Variants in ANAPC10 observed in about 807,000 individuals in gnomAD.
ANAPC10 encodes anaphase-promoting complex subunit 10.
In ANAPC10, 12 loss-of-function variants were observed where a neutral mutation model predicts 22.0. The observed-to-expected ratio is 0.55, with a 90% CI of 0.35 to 0.88. The LOEUF (loss-of-function observed/expected upper bound fraction) is 0.88, where lower values mean the gene tolerates loss of function less well. Ranked by LOEUF, ANAPC10 falls within the 40% of genes least tolerant of loss-of-function variation. The pLI, the probability that ANAPC10 is intolerant of heterozygous loss-of-function variation, is 0.01. For missense variants in ANAPC10, 188 were observed against 220.9 expected, an observed-to-expected ratio of 0.85 and a Z score of 0.94; for synonymous variants, 65 against 69.5, an observed-to-expected ratio of 0.94 and a Z score of 0.32.
chr4:145,078,196 AC>A (rs1194302886), intron 3 of ANAPC10, among the ~76,000 whole-genome samples: 1 of 152,158 alleles, frequency 6.6e-6, no homozygotes, highest in Non-Finnish European at 1.5e-5. Context: ...AAATCAATAT[AC>A]AAAAATCAAT....
intron 4 of ANAPC10, among the ~76,000 whole-genome samples, chr4:145,006,432 T>C (rs1289119741): frequency 6.6e-6 from 1 of 151,944 alleles, no homozygotes; most frequent in Non-Finnish European, 1.5e-5. Context: ...AAATAAGGAA[T>C]AAGAAAGGAA....
chr4:145,049,376 AG>A (rs1393832218), intron 4 of ANAPC10, among the ~76,000 whole-genome samples: 1 of 152,226 alleles, frequency 6.6e-6, no homozygotes, highest in African/African-American at 2.4e-5. Context: ...TGCTGACAGT[AG>A]AAGTTCTTTT....
At chr4:145,061,954 A>G (rs987411660) in intron 4 of ANAPC10, among the ~76,000 whole-genome samples, 1 of 151,998 alleles carries the variant, frequency 6.6e-6, no homozygotes, top group South Asian at 2.1e-4. Flanking sequence ...CTAAAAATAC[A>G]AAGGAGGCTG....
chr4:145,092,052 A>C (rs1298021733), intron 2 of ANAPC10, among the ~76,000 whole-genome samples: 3 of 152,160 alleles, frequency 2.0e-5, no homozygotes, highest in Non-Finnish European at 2.9e-5. Flanking sequence ...ATCCTCAGCA[A>C]ACTAACACAG....
chr4:145,004,329 T>G (rs555451697), intron 4 of ANAPC10, among the ~76,000 whole-genome samples: 2 of 152,258 alleles, frequency 1.3e-5, no homozygotes, highest in African/African-American at 4.8e-5. Context: ...TTGGATGTCT[T>G]TATTTATTTC....
intron 4 of ANAPC10, among the ~76,000 whole-genome samples, chr4:145,055,485 G>A (rs946380986): frequency 2.0e-5 from 3 of 151,980 alleles, no homozygotes; most frequent in Non-Finnish European, 2.9e-5. Flanking sequence ...TTGAACCCAG[G>A]ATGCAGAGGT....
intron 4 of ANAPC10, among the ~76,000 whole-genome samples, chr4:145,026,957 G>GTGTGTGTATATATATATATA (rs1343774253): frequency 1.1e-4 from 2 of 18,342 alleles, no homozygotes; most frequent in African/African-American, 2.9e-4. Flanking sequence ...GTGTGTGTGT[G>GTGTGTGTATATATATATATA]TATATATATA....
intron 4 of ANAPC10, among the ~76,000 whole-genome samples, chr4:145,019,984 ACAG>A (rs1735747174): frequency 6.6e-6 from 1 of 152,138 alleles, no homozygotes; most frequent in Non-Finnish European, 1.5e-5. Context: ...CCAGAAATTC[ACAG>A]CAGAATTCTA....
intron 2 of ANAPC10, among the ~76,000 whole-genome samples, chr4:145,086,199 G>A (rs1189384293): frequency 6.6e-6 from 1 of 152,138 alleles, no homozygotes; most frequent in African/African-American, 2.4e-5. Flanking sequence ...CTGACCTCAA[G>A]TGATCCACTG....
chr4:145,055,252 A>G (rs1458432635), intron 4 of ANAPC10, among the ~76,000 whole-genome samples: 1 of 152,150 alleles, frequency 6.6e-6, no homozygotes, highest in Non-Finnish European at 1.5e-5. Context: ...CCTGCTGAAT[A>G]TTCTTTGGTC....
At chr4:144,996,915 C>T (rs551324278) in intron 4 of ANAPC10, among the ~76,000 whole-genome samples, 1 of 152,124 alleles carries the variant, frequency 6.6e-6, no homozygotes, top group African/African-American at 2.4e-5. Context: ...AGCTGAAAAC[C>T]ATGGCACGAG....
intron 3 of ANAPC10, among the ~76,000 whole-genome samples, chr4:145,067,938 T>C (rs561906899): frequency 7.9e-5 from 12 of 152,300 alleles, no homozygotes; most frequent in African/African-American, 2.9e-4. Context: ...AAGAAAAACA[T>C]GCCCCTTTTA....
intron 4 of ANAPC10, among the ~76,000 whole-genome samples, chr4:145,030,307 G>T (rs539783128): frequency 6.6e-6 from 1 of 152,316 alleles, no homozygotes; most frequent in East Asian, 1.9e-4. Flanking sequence ...TTGAATGAAG[G>T]AGAGGCCAGG....
intron 4 of ANAPC10, among the ~76,000 whole-genome samples, chr4:145,049,606 G>GTC (rs1212772964): frequency 1.3e-5 from 2 of 151,660 alleles, no homozygotes; most frequent in Admixed American, 6.6e-5. Context: ...TTGAGATAGG[G>GTC]TCTCTCTCTG....
chr4:145,072,018 A>G (rs1047479650), intron 3 of ANAPC10, among the ~76,000 whole-genome samples: 1 of 151,872 alleles, frequency 6.6e-6, no homozygotes, highest in Non-Finnish European at 1.5e-5. Context: ...CACAAAAAAA[A>G]CAAAAAAAAA....
At chr4:145,006,609 AT>A (rs1373660610) in intron 4 of ANAPC10, among the ~76,000 whole-genome samples, 1 of 152,048 alleles carries the variant, frequency 6.6e-6, no homozygotes, top group East Asian at 1.9e-4. Context: ...TCAAATTGTC[AT>A]TTTTGTAGGT....
chr4:145,000,127 C>T lies in ANAPC10; in HGVS notation c.328-4524G>A, dbSNP rs191189507. On this transcript the variant is annotated intron_variant, in intron 4 of 4. Transcript: ENST00000507656. ...AGAAGAAAACCTAGGTAATACCATT[C>T]AGGACATAGGCATGGCCAAGAACTT... Among the ~76,000 whole-genome samples, 668 of 152,300 alleles carry T rather than the reference C, an allele frequency of 4.4e-3. 3 individuals carry two copies. The highest frequency in any genetic ancestry group is 0.015 in the African/African-American group (614 of 41,568).
chr4:145,059,476 A>C (rs1742556607), intron 4 of ANAPC10, among the ~76,000 whole-genome samples: 1 of 152,120 alleles, frequency 6.6e-6, no homozygotes, highest in Admixed American at 6.5e-5. Context: ...AACAGAGCTT[A>C]AAATTCACTT....
intron 4 of ANAPC10, among the ~76,000 whole-genome samples, chr4:145,021,652 C>T (rs1735974437): frequency 1.3e-5 from 2 of 152,028 alleles, no homozygotes; most frequent in African/African-American, 2.4e-5. Context: ...AAAGCAAATG[C>T]AATAAAAACA....
Sources: gnomAD v4.1 joint callset for allele counts (sites outside exome capture counted in the v4.1 genomes callset) on GRCh38, gnomAD v4.1.1 for gene constraint, MANE v1.5 for transcripts, NCBI Gene and HGNC (gene_info 2026-07-23, HGNC 2026-07-21) for gene names.